Variants in NLRC5 observed in about 807,000 individuals in gnomAD.
The protein encoded by NLRC5 is NLR family CARD domain containing 5, also known as protein NLRC5.
A neutral mutation model predicts 206.9 loss-of-function variants in NLRC5; 114 were observed. The observed-to-expected ratio is 0.55, with a 90% CI of 0.47 to 0.64. NLRC5 has a LOEUF of 0.64. Ranked by LOEUF, NLRC5 falls within the 30% of genes least tolerant of loss-of-function variation. The probability of loss-of-function intolerance (pLI) is 0.00; values close to 1 mark genes in which losing one functional copy is unlikely to be tolerated. For synonymous variants in NLRC5, 952 were observed against 962.8 expected, an observed-to-expected ratio of 0.99 and a Z score of 0.21; for missense variants, 2,008 against 2,305.5, an observed-to-expected ratio of 0.87 and a Z score of 2.64.
intron 1 of NLRC5, among the ~76,000 whole-genome samples, chr16:56,994,423 C>T (rs2057350833): frequency 6.6e-6 from 1 of 152,212 alleles, no homozygotes; most frequent in Non-Finnish European, 1.5e-5. Flanking sequence ...TGAGCTTCCA[C>T]ACACCAGGCC....
chr16:57,013,163 T>C (rs1445395116), intron 1 of NLRC5: 2 of 358,900 alleles, frequency 5.6e-6, no homozygotes, highest in Non-Finnish European at 1.1e-5. Flanking sequence ...TTAGAAAATT[T>C]AAGTCCTTTA....
chr16:57,078,367 C>T (rs1395899966), intron 43 of NLRC5, among the ~76,000 whole-genome samples: 1 of 152,000 alleles, frequency 6.6e-6, no homozygotes. Context: ...CAGAGGGCTT[C>T]GCAGGAGCAC....
chr16:57,060,519 A>G (rs1459341589), intron 30 of NLRC5, among the ~76,000 whole-genome samples: 1 of 151,458 alleles, frequency 6.6e-6, no homozygotes, highest in African/African-American at 2.4e-5. Context: ...ACATACACAC[A>G]CATACACCAC....
In NLRC5 at chr16:57,058,087, G is replaced by T; in HGVS notation, c.3769G>T (p.Asp1257Tyr). Residue 1257 changes from aspartate (D) to tyrosine (Y), a missense_variant, in exon 28 of 49, where the codon GAC (aspartate) becomes TAC (tyrosine). Asp to Tyr is a radical substitution (Grantham distance 160). Coordinates refer to ENST00000688547, the MANE Select transcript of NLRC5 (RefSeq NM_001384950.1). ...QVDLSANLLG[D>Y]SGLRCLLECL... is the part of the protein sequence containing the mutation. Reference sequence around the variant, plus strand: ...CAGTCTCTCAGCAAACCTGCTGGGCGACAGCGGACTCAGATGCCTTCTGGA... The same window carrying T: ...CAGTCTCTCAGCAAACCTGCTGGGCTACAGCGGACTCAGATGCCTTCTGGA... 1 of 1,612,520 alleles carries T rather than the reference G, an allele frequency of 6.2e-7. No individual in the cohort carries two copies. Among genetic ancestry groups the T allele is most frequent in the Non-Finnish European group, 8.5e-7 (1 of 1,179,280 alleles).
intron 18 of NLRC5, 115 bp downstream of exon 18, chr16:57,041,689 C>G (rs2063305579): frequency 1.2e-6 from 1 of 810,954 alleles, no homozygotes; most frequent in South Asian, 1.6e-5. Flanking sequence ...CTGCTGAAGT[C>G]AGAAACCCCT....
chr16:57,028,453 T>A, intron 8 of NLRC5, 68 bp downstream of exon 8: 1 of 1,265,598 alleles, frequency 7.9e-7, no homozygotes, highest in Admixed American at 1.7e-5. Flanking sequence ...AGAGTCCCCC[T>A]GGGGCCTGCA....
At chr16:57,037,473 C>T (rs2062744840) in intron 15 of NLRC5, among the ~76,000 whole-genome samples, 189 bp downstream of exon 15, 1 of 152,094 alleles carries the variant, frequency 6.6e-6, no homozygotes, top group South Asian at 2.1e-4. Flanking sequence ...TGGTTTATAC[C>T]TCTGGAGAAC....
chr16:57,036,161 C>A lies in NLRC5; in HGVS notation c.2689C>A (p.Leu897Met). The change falls in exon 14 of 49, where the codon CTG (leucine) becomes ATG (methionine). Residue 897 changes from leucine to methionine, a missense_variant. Physicochemically the swap from Leu to Met is conservative, Grantham distance 15. Coordinates refer to ENST00000688547, the MANE Select transcript of NLRC5 (RefSeq NM_001384950.1). ...CRLMAEAASQ[L>M]HIARKLDLSN... ...GCTGATGGCAGAGGCTGCATCCCAGCTGCACATCGCCAGGAAGCTGGAGTG... is the reference window on the plus strand; with the variant it reads ...GCTGATGGCAGAGGCTGCATCCCAGATGCACATCGCCAGGAAGCTGGAGTG... The A allele has an allele frequency of 6.2e-7, 1 of 1,613,466 alleles. No homozygotes were observed. Among genetic ancestry groups the A allele is most frequent in the Non-Finnish European group, 8.5e-7 (1 of 1,179,980 alleles).
chr16:57,041,466 TG>T lies in NLRC5; in HGVS notation c.2940-18del, dbSNP rs1196359013. Reference sequence around the variant, plus strand: ...CTGTTCAGTGGGGCATGCAGCACTGTGTTTTTGTCCCTGGGCAGGCTGACAC... The same window carrying T: ...CTGTTCAGTGGGGCATGCAGCACTGTTTTTTGTCCCTGGGCAGGCTGACAC... On this transcript the variant is annotated intron_variant, in intron 17 of 48. Transcript: ENST00000688547. The T allele has an allele frequency of 6.8e-7, 1 of 1,471,230 alleles. No homozygotes were observed. Among genetic ancestry groups the T allele is most frequent in the Non-Finnish European group, 9.5e-7 (1 of 1,051,306 alleles). The allele number at this position is 1,471,230 out of a possible 1,614,324, so 91.1% of individuals were successfully genotyped here.
At chr16:57,045,239 AT>A in intron 20 of NLRC5, 1 of 580,666 alleles carries the variant, frequency 1.7e-6, no homozygotes. Context: ...TTCTTACCTC[AT>A]TGTTTATTGT....
rs1319166238 is a variant in NLRC5 at position 57,079,537 on chromosome 16, C to T, written c.5238-9C>T. 1.2e-6 allele frequency: 2 copies of T among 1,613,424 alleles called. No homozygotes were observed. The highest frequency in any genetic ancestry group is 1.7e-6 in the Non-Finnish European group (2 of 1,179,464). On this transcript the variant is annotated splice_polypyrimidine_tract_variant and intron_variant, in intron 45 of 48. Coordinates refer to ENST00000688547, the MANE Select transcript of NLRC5 (RefSeq NM_001384950.1). Reference sequence around the variant, plus strand: ...CCCCATCCCATCCCATGCCCTTCTCCATCCCCAGCCTGGTTTCCTGTAAGA... The same window carrying T: ...CCCCATCCCATCCCATGCCCTTCTCTATCCCCAGCCTGGTTTCCTGTAAGA...
chr16:57,058,110 G>A lies in NLRC5; in HGVS notation c.3792G>A (p.Leu1264=), dbSNP rs1177342111. ...GCGACAGCGGACTCAGATGCCTTCT[G>A]GAATGTCTGCCGCAGGTGCCCATCT... ...LLGDSGLRCL[L]ECLPQVPISG... is the part of the protein sequence containing the mutation. Residue 1264 remains leucine (L), a synonymous_variant, in exon 28 of 49, where the codon CTG becomes CTA. Coordinates refer to ENST00000688547, the MANE Select transcript of NLRC5 (RefSeq NM_001384950.1). The A allele has an allele frequency of 1.2e-6, 2 of 1,612,052 alleles. No individual in the cohort carries two copies. The highest frequency in any genetic ancestry group is 1.7e-6 in the Non-Finnish European group (2 of 1,179,102).
At position 57,026,810 on chromosome 16, in the gene NLRC5, C is replaced by T; in HGVS notation, c.1867C>T (p.Gln623Ter). 3.1e-6 allele frequency: 5 copies of T among 1,614,222 alleles called. No homozygotes were observed. The highest frequency in any genetic ancestry group is 4.2e-6 in the Non-Finnish European group (5 of 1,180,034). Reference protein sequence around the residue: ...VELCHCVDETQEPELASLTAQ... With the variant: ...VELCHCVDET ...GCTGTGTCACTGTGTGGATGAGACA[C>T]AGGAGCCTGAGCTGGCCAGTCTCAC... is the stretch of plus-strand genomic sequence containing the variant. Residue 623 changes from glutamine to a stop codon, truncating the protein, a stop_gained, in exon 6 of 49, where the codon CAG (glutamine) becomes TAG (stop). Coordinates refer to ENST00000688547, the MANE Select transcript of NLRC5 (RefSeq NM_001384950.1). LOFTEE classifies it high-confidence loss of function.
chr16:57,057,654 C>T (rs1253574615), intron 27 of NLRC5, among the ~76,000 whole-genome samples: 2 of 152,160 alleles, frequency 1.3e-5, no homozygotes, highest in Admixed American at 1.3e-4. Flanking sequence ...TTCTTTAACC[C>T]TTGAAAGCCT....
At chr16:57,012,202 G>A (rs2059577737) in intron 1 of NLRC5, among the ~76,000 whole-genome samples, 1 of 152,110 alleles carries the variant, frequency 6.6e-6, no homozygotes, top group Admixed American at 6.5e-5. Flanking sequence ...TCCTTTTTAT[G>A]TTGAATAATA....
intron 1 of NLRC5, among the ~76,000 whole-genome samples, chr16:57,003,446 C>T (rs899363034): frequency 1.3e-5 from 2 of 152,138 alleles, no homozygotes; most frequent in Non-Finnish European, 2.9e-5. Flanking sequence ...GATGACCCCC[C>T]ATAGCAGACA....
At chr16:57,066,409 C>G (rs548243620) in intron 33 of NLRC5, 125 bp from the exon 34 acceptor site, 1 of 766,110 alleles carries the variant, frequency 1.3e-6, no homozygotes, top group South Asian at 1.5e-5. Context: ...AAGCTGGTCC[C>G]TGGCAGGGGA....
At chr16:57,060,913 G>T (rs1389556404) in intron 30 of NLRC5, among the ~76,000 whole-genome samples, 1 of 152,230 alleles carries the variant, frequency 6.6e-6, no homozygotes, top group Non-Finnish European at 1.5e-5. Flanking sequence ...TGGCCACCCA[G>T]GGCTGAGATG....
At chr16:57,075,092 A>G (rs1048139935) in intron 39 of NLRC5, among the ~76,000 whole-genome samples, 1 of 127,160 alleles carries the variant, frequency 7.9e-6, no homozygotes, top group Non-Finnish European at 1.5e-5. Flanking sequence ...TGCAGTGGCA[A>G]TGCACAGGTG....
Sources: allele counts gnomAD v4.1 joint callset (sites outside exome capture counted in the v4.1 genomes callset), GRCh38; gene constraint gnomAD v4.1.1; transcripts MANE v1.5; gene names NCBI Gene and HGNC (gene_info 2026-07-23, HGNC 2026-07-21).